The following MIR2052HG variants were observed in gnomAD, a reference collection of about 807,000 sequenced individuals.
MIR2052HG encodes MIR2052 host gene.
At chr8:74,726,906 A>G in intron 4 of MIR2052HG, among the ~76,000 whole-genome samples, 1 of 152,172 alleles carries the variant, frequency 6.6e-6, no homozygotes. Flanking sequence ...GGCACAACTC[A>G]TATTTTTATT....
intron 5 of MIR2052HG, among the ~76,000 whole-genome samples, chr8:74,753,107 G>T (rs1809965158): frequency 6.6e-6 from 1 of 152,166 alleles, no homozygotes; most frequent in African/African-American, 2.4e-5. Context: ...GAGTTTACTA[G>T]GTTAGCTCTA....
At chr8:74,617,026 G>T (rs1808291924) in intron 2 of MIR2052HG, among the ~76,000 whole-genome samples, 1 of 151,894 alleles carries the variant, frequency 6.6e-6, no homozygotes, top group Non-Finnish European at 1.5e-5. Flanking sequence ...TGAAAAAGTT[G>T]ATCATACTCT....
At chr8:74,602,239 A>G (rs562023114) in intron 1 of MIR2052HG, among the ~76,000 whole-genome samples, 46 of 152,344 alleles carry the variant, frequency 3.0e-4, no homozygotes, top group African/African-American at 1.1e-3. Flanking sequence ...GATCATCCTC[A>G]CTGCTTATTA....
At chr8:74,604,423 G>A (rs1437804153) in intron 1 of MIR2052HG, among the ~76,000 whole-genome samples, 8 of 131,022 alleles carry the variant, frequency 6.1e-5, no homozygotes, top group African/African-American at 1.8e-4. Flanking sequence ...GTGAGGGGGG[G>A]CCCCGCGGGC....
chr8:74,621,356 C>A (rs1012804324), intron 2 of MIR2052HG, among the ~76,000 whole-genome samples: 1 of 152,204 alleles, frequency 6.6e-6, no homozygotes, highest in Admixed American at 6.5e-5. Context: ...CAGCACTCCA[C>A]TCTCTGTGGT....
chr8:74,613,169 C>A (rs1023996657), intron 2 of MIR2052HG, among the ~76,000 whole-genome samples: 1 of 152,164 alleles, frequency 6.6e-6, no homozygotes, highest in African/African-American at 2.4e-5. Flanking sequence ...AGACCGGCAA[C>A]TACAAATATA....
chr8:74,600,846 T>TTGTA (rs1807990190), intron 1 of MIR2052HG, among the ~76,000 whole-genome samples: 1 of 152,112 alleles, frequency 6.6e-6, no homozygotes, highest in South Asian at 2.1e-4. Flanking sequence ...AGTGCTGGGA[T>TTGTA]TACAGGCGTG....
intron 2 of MIR2052HG, among the ~76,000 whole-genome samples, chr8:74,652,674 T>A (rs972312098): frequency 3.3e-5 from 5 of 152,196 alleles, no homozygotes; most frequent in Non-Finnish European, 7.3e-5. Flanking sequence ...GGGAAGGTAT[T>A]CTGCATTAAA....
chr8:74,747,899 T>C (rs529081615), intron 4 of MIR2052HG, among the ~76,000 whole-genome samples: 1 of 152,320 alleles, frequency 6.6e-6, no homozygotes, highest in South Asian at 2.1e-4. Flanking sequence ...AAAATTTTCC[T>C]CATGAAATGT....
At chr8:74,701,374 C>T (rs1459643167) in intron 2 of MIR2052HG, among the ~76,000 whole-genome samples, 1 of 152,064 alleles carries the variant, frequency 6.6e-6, no homozygotes, top group African/African-American at 2.4e-5. Flanking sequence ...AGCCACCGTT[C>T]AAGCACTGTT....
intron 1 of MIR2052HG, among the ~76,000 whole-genome samples, chr8:74,601,727 A>G (rs552376986): frequency 6.6e-6 from 1 of 152,362 alleles, no homozygotes; most frequent in South Asian, 2.1e-4. Context: ...ACAGCAAAAT[A>G]TCAACACAGT....
At chr8:74,607,515 G>A (rs1808129350) in intron 1 of MIR2052HG, among the ~76,000 whole-genome samples, 1 of 152,102 alleles carries the variant, frequency 6.6e-6, no homozygotes, top group African/African-American at 2.4e-5. Flanking sequence ...GGGAGGCTGA[G>A]GCAGGAGAAT....
intron 4 of MIR2052HG, among the ~76,000 whole-genome samples, chr8:74,741,963 A>G (rs114979260): frequency 1.3e-5 from 2 of 152,192 alleles, no homozygotes. Flanking sequence ...AGGCAACTCA[A>G]ACTTTTTGCT....
chr8:74,678,563 CAAAAAAAAAAAA>C (rs763073114), intron 2 of MIR2052HG, among the ~76,000 whole-genome samples: 1 of 53,522 alleles, frequency 1.9e-5, no homozygotes, highest in Non-Finnish European at 3.5e-5. Flanking sequence ...GAGTTTGTCT[CAAAAAAAAAAAA>C]AAAAAAAAAA....
chr8:74,669,011 C>T (rs569237054), intron 2 of MIR2052HG, among the ~76,000 whole-genome samples: 1 of 152,302 alleles, frequency 6.6e-6, no homozygotes, highest in East Asian at 1.9e-4. Flanking sequence ...AATGTGACTC[C>T]TGATGAACCC....
chr8:74,719,211 ACT>A (rs1229942112), intron 4 of MIR2052HG, among the ~76,000 whole-genome samples: 1 of 151,874 alleles, frequency 6.6e-6, no homozygotes, highest in Admixed American at 6.6e-5. Context: ...GTTCAGGGTG[ACT>A]CTAGCAATTT....
chr8:74,609,448 T>A (rs1554570715), intron 1 of MIR2052HG, among the ~76,000 whole-genome samples: 1 of 151,814 alleles, frequency 6.6e-6, no homozygotes, highest in Non-Finnish European at 1.5e-5. Context: ...AATTATACGA[T>A]GCCAGCATTA....
intron 1 of MIR2052HG, among the ~76,000 whole-genome samples, chr8:74,600,576 A>C (rs1409603511): frequency 6.6e-6 from 1 of 151,272 alleles, no homozygotes; most frequent in Non-Finnish European, 1.5e-5. Flanking sequence ...CTCAAAAAAA[A>C]AAAGAAAAAG....
chr8:74,602,392 C>T (rs1439383261), intron 1 of MIR2052HG, among the ~76,000 whole-genome samples: 1 of 152,324 alleles, frequency 6.6e-6, no homozygotes, highest in South Asian at 2.1e-4. Context: ...TTGCCTGCCC[C>T]TTTCCCAGAA....
Sources: allele counts gnomAD v4.1 joint callset (sites outside exome capture counted in the v4.1 genomes callset), GRCh38; gene constraint gnomAD v4.1.1; transcripts MANE v1.5; gene names NCBI Gene and HGNC (gene_info 2026-07-23, HGNC 2026-07-21).